Variants in ZFTA observed in about 807,000 individuals in gnomAD.
The protein encoded by ZFTA is zinc finger translocation-associated protein.
A neutral mutation model predicts 41.8 loss-of-function variants in ZFTA; 35 were observed. The observed-to-expected ratio is 0.84, with a 90% CI of 0.64 to 1.11. The LOEUF is 1.11. ZFTA is among the 50% of genes most tolerant of loss of function. ZFTA has a pLI of 0.00. For missense variants in ZFTA, 964 were observed against 989.8 expected (o/e 0.97, Z 0.35); for synonymous variants, 514 against 436.4 (o/e 1.18, Z -2.22).
In ZFTA at chr11:63,764,115, G is replaced by C. The variant is rs1312377385; in HGVS notation, c.1508C>G (p.Pro503Arg). The C allele has an allele frequency of 7.4e-6, 10 of 1,344,404 alleles. No homozygotes were observed. Among genetic ancestry groups the C allele is most frequent in the Admixed American group, 4.0e-5 (1 of 25,018 alleles). 83.3% of individuals were successfully genotyped at this position (1,344,404 alleles called of 1,614,324 possible). ...GTCGGAGGCTGCGGCAGTGCCGGGG[G>C]GGATGGGGCCCTGGGGGGACTCGGG... Reference protein sequence around the residue: ...PRPESPQGPIPPGTAAASDEG... With the variant: ...PRPESPQGPIRPGTAAASDEG... Residue 503 changes from proline to arginine, a missense_variant, in exon 4 of 5, where the codon CCC becomes CGC. Around this residue, in one of 5 missense-constraint regions of ZFTA, gnomAD observed 584 missense variants for 523.1 expected, o/e 1.12. Transcript: ENST00000433688.
rs1284234060 is a variant in ZFTA at position 63,763,342 on chromosome 11, G to T, written c.*76C>A. The T allele has an allele frequency of 3.7e-6, 4 of 1,080,772 alleles. No homozygotes were observed. The African/African-American group carries it at 5.1e-5, about 14-fold the overall frequency. 66.9% of individuals were successfully genotyped at this position (1,080,772 alleles called of 1,614,324 possible). ...CACCGGACGCGAGGGTCTCCCAGCC[G>T]AAGGGCCGGGCGAGCACAGGGCGGG... On this transcript the variant is annotated 3_prime_UTR_variant, in exon 5 of 5. Transcript: ENST00000433688.
At position 63,765,716 on chromosome 11, in the gene ZFTA, A is replaced by C; in HGVS notation, c.637+91T>G. 3 of 1,416,388 alleles carry C rather than the reference A, an allele frequency of 2.1e-6. No individual in the cohort carries two copies. Among genetic ancestry groups the C allele is most frequent in the Non-Finnish European group, 9.2e-7 (1 of 1,086,876 alleles). 87.7% of individuals were successfully genotyped at this position (1,416,388 alleles called of 1,614,324 possible). A position where few individuals can be genotyped will look rare whatever the true frequency, so the allele number is the denominator to read the frequency against. On this transcript the variant is annotated intron_variant, in intron 2 of 4. Transcript: ENST00000433688. The surrounding 1 kb of genome is among the most constrained non-coding windows in gnomAD (Gnocchi z 4.0). ...CCAGAGGAGGAGCAGTGCCTTGCTC[A>C]AGAACACCAGCTCCTTGGCAGAGCA...
At position 63,764,059 on chromosome 11, in the gene ZFTA, C is replaced by T; in HGVS notation, c.1564G>A (p.Glu522Lys). 3 of 1,344,620 alleles carry T rather than the reference C, an allele frequency of 2.2e-6. No homozygotes were observed. The highest frequency in any genetic ancestry group is 6.1e-5 in the East Asian group (2 of 32,700). The allele number at this position is 1,344,620 out of a possible 1,614,324, so 83.3% of individuals were successfully genotyped here. A position where few individuals can be genotyped will look rare whatever the true frequency, so the allele number is the denominator to read the frequency against. Residue 522 changes from glutamate to lysine, a missense_variant, in exon 4 of 5, where the codon GAG (glutamate) becomes AAG (lysine). Physicochemically the swap from Glu to Lys is moderately conservative, Grantham distance 56. This residue lies in a region of ZFTA where 584 missense variants were observed against 523.1 expected (regional missense o/e 1.12). Transcript: ENST00000433688. ...TCACCCCACTCCTCCTCCTCCTCCT[C>T]TGGCTCCTCCTCCTCGTCCCCTCCC... ...EGGGDEEEEP[E>K]EEEEEWGDVP...
chr11:63,760,452 C>T lies in ZFTA; in HGVS notation c.*2966G>A, dbSNP rs117460875. On this transcript the variant is annotated 3_prime_UTR_variant, in exon 5 of 5. Coordinates refer to ENST00000433688, the MANE Select transcript of ZFTA (RefSeq NM_001144936.2). Reference sequence around the variant, plus strand: ...ACTGATGCAAACAATTTCACAAATACGCATACAAATGTTTGAATAATGTCA... The same window carrying T: ...ACTGATGCAAACAATTTCACAAATATGCATACAAATGTTTGAATAATGTCA... 26 of 152,214 alleles carry T rather than the reference C, an allele frequency of 1.7e-4. No individual in the cohort carries two copies. Among genetic ancestry groups the T allele is most frequent in the African/African-American group, 5.8e-4 (24 of 41,528 alleles). 9.4% of individuals were successfully genotyped at this position (152,214 alleles called of 1,614,324 possible).
Position 63,764,912 on chromosome 11 carries a change from C to G in ZFTA, c.980G>C (p.Gly327Ala). The G allele has an allele frequency of 6.5e-7, 1 of 1,538,192 alleles. No homozygotes were observed. The highest frequency in any genetic ancestry group is 8.8e-7 in the Non-Finnish European group (1 of 1,142,854). ...PQRSALLQAWGGQPEALSELT... is the reference protein window; with the variant it reads ...PQRSALLQAWAGQPEALSELT... Reference sequence around the variant, plus strand: ...CTCAGACAGCGCCTCGGGCTGGCCCCCCCAGGCCTGCAGCAGGGCACTGCG... The same window carrying G: ...CTCAGACAGCGCCTCGGGCTGGCCCGCCCAGGCCTGCAGCAGGGCACTGCG... The change falls in exon 3 of 5, where the codon GGG (glycine) becomes GCG (alanine). Residue 327 changes from glycine (G) to alanine (A), a missense_variant. This residue lies in a region of ZFTA where 584 missense variants were observed against 523.1 expected (regional missense o/e 1.12). Coordinates refer to ENST00000433688, the MANE Select transcript of ZFTA (RefSeq NM_001144936.2).
chr11:63,763,837 C>G lies in ZFTA; in HGVS notation c.1618G>C (p.Glu540Gln), dbSNP rs2014695356. The G allele has an allele frequency of 2.8e-6, 4 of 1,439,720 alleles. No homozygotes were observed. The highest frequency in any genetic ancestry group is 3.0e-5 in the Admixed American group (1 of 33,354). 89.2% of individuals were successfully genotyped at this position (1,439,720 alleles called of 1,614,324 possible). A position where few individuals can be genotyped will look rare whatever the true frequency, so the allele number is the denominator to read the frequency against. ...TCCTCCTCTTCTTCGGCGGGCCGCT[C>G]CAAGGGAGCTCCAGGGGACAGCGGA... ...DVPLSPGAPL[E>Q]RPAEEEEDEE... The change falls in exon 5 of 5, where the codon GAG becomes CAG. Residue 540 changes from glutamate (E) to glutamine (Q), a missense_variant. By Grantham distance (29) the Glu-to-Gln change is conservative. Transcript: ENST00000433688.
At chr11:63,766,733 C>T (rs924395974) in intron 1 of ZFTA, among the ~76,000 whole-genome samples, 1 of 152,160 alleles carries the variant, frequency 6.6e-6, no homozygotes, top group African/African-American at 2.4e-5. Context: ...GGGCTGCACA[C>T]GGGACCCACC....
chr11:63,766,038 G>A lies in ZFTA; in HGVS notation c.406C>T (p.Leu136Phe). 1.3e-6 allele frequency: 2 copies of A among 1,550,992 alleles called. No individual in the cohort carries two copies. Among genetic ancestry groups the A allele is most frequent in the Non-Finnish European group, 1.7e-6 (2 of 1,146,618 alleles). The change falls in exon 2 of 5, where the codon CTC becomes TTC. Residue 136 changes from leucine to phenylalanine, a missense_variant. By Grantham distance (22) the Leu-to-Phe change is conservative (BLOSUM62 0). Transcript: ENST00000433688. ...TGGCGCTTGATGGTGCTGAGCTTGAGGGTGGCCAGGGAGCTGCCGCACACC... is the reference window on the plus strand; with the variant it reads ...TGGCGCTTGATGGTGCTGAGCTTGAAGGTGGCCAGGGAGCTGCCGCACACC... ...CMVCGSSLAT[L>F]KLSTIKRHIR...
In ZFTA at chr11:63,764,356, G is replaced by A; in HGVS notation, c.1267C>T (p.Arg423Trp). Residue 423 changes from arginine (R) to tryptophan (W), a missense_variant, in exon 4 of 5, where the codon CGG (arginine) becomes TGG (tryptophan). By Grantham distance (101) the Arg-to-Trp change is moderately radical. Transcript: ENST00000433688. ...AHRRHPQERW[R>W]LEYLMELDGG... ...TCCAACTCCATGAGGTACTCCAGCC[G>A]CCAGCGCTCCTGGGGGTGGCGGCGG... The A allele has an allele frequency of 2.3e-6, 3 of 1,328,380 alleles. No individual in the cohort carries two copies. The highest frequency in any genetic ancestry group is 2.9e-6 in the Non-Finnish European group (3 of 1,043,624). 82.3% of individuals were successfully genotyped at this position (1,328,380 alleles called of 1,614,324 possible). A position where few individuals can be genotyped will look rare whatever the true frequency, so the allele number is the denominator to read the frequency against.
chr11:63,764,142 C>A lies in ZFTA; in HGVS notation c.1481G>T (p.Arg494Leu), dbSNP rs1221855209. ...AAHLLALGPP[R>L]PESPQGPIPP... ...GATGGGGCCCTGGGGGGACTCGGGG[C>A]GGGGCGGCCCCAGGGCCAGCAGGTG... The change falls in exon 4 of 5, where the codon CGC becomes CTC. Residue 494 changes from arginine (R) to leucine (L), a missense_variant. Arg to Leu is a moderately radical substitution (Grantham distance 102). Around this residue, in one of 5 missense-constraint regions of ZFTA, gnomAD observed 584 missense variants for 523.1 expected, o/e 1.12. Transcript: ENST00000433688. 7.5e-7 allele frequency: 1 copy of A among 1,342,208 alleles called. No individual in the cohort carries two copies. The highest frequency in any genetic ancestry group is 9.5e-7 in the Non-Finnish European group (1 of 1,052,254). 83.1% of individuals were successfully genotyped at this position (1,342,208 alleles called of 1,614,324 possible). A position where few individuals can be genotyped will look rare whatever the true frequency, so the allele number is the denominator to read the frequency against.
At position 63,764,406 on chromosome 11, in the gene ZFTA, C is replaced by T; in HGVS notation, c.1217G>A (p.Gly406Asp). The change falls in exon 4 of 5, where the codon GGC (glycine) becomes GAC (aspartate). Residue 406 changes from glycine to aspartate, a missense_variant. Coordinates refer to ENST00000433688, the MANE Select transcript of ZFTA (RefSeq NM_001144936.2). The stretch of plus-strand genomic sequence containing the variant: ...GTGGGCGCGGCCCCGCGGCGACCGG[C>T]CCGGGACCCCCGCCCTCTCGCCCTC... The part of the protein sequence containing the change: ...EGEGERAGVP[G>D]RSPRGRAHRR... 15 of 1,280,064 alleles carry T rather than the reference C, an allele frequency of 1.2e-5. No homozygotes were observed. The highest frequency in any genetic ancestry group is 1.5e-5 in the Non-Finnish European group (15 of 1,016,468). 79.3% of individuals were successfully genotyped at this position (1,280,064 alleles called of 1,614,324 possible).
At chr11:63,766,803 G>T (rs534980970) in intron 1 of ZFTA, among the ~76,000 whole-genome samples, 1 of 152,312 alleles carries the variant, frequency 6.6e-6, no homozygotes, top group South Asian at 2.1e-4. Flanking sequence ...TTCCAGTAAT[G>T]CTTCAAATAT....
At position 63,766,230 on chromosome 11, in the gene ZFTA, C is replaced by T; in HGVS notation, c.214G>A (p.Gly72Arg). Residue 72 changes from glycine to arginine, a missense_variant, in exon 2 of 5, where the codon GGA becomes AGA. Around this residue, in one of 5 missense-constraint regions of ZFTA, gnomAD observed 111 missense variants for 93.2 expected, o/e 1.19. Transcript: ENST00000433688. The part of the protein sequence containing the change: ...SAPLPSSRAR[G>R]PASSGRKYSD... ...TATTTCCTGCCTGAAGATGCTGGTC[C>T]CCTGGCCCTGGAGGAGGGCAGGGGG... is the stretch of plus-strand genomic sequence containing the variant. The T allele has an allele frequency of 7.8e-6, 12 of 1,533,334 alleles. No homozygotes were observed. The highest frequency in any genetic ancestry group is 1.4e-5 in the African/African-American group (1 of 72,630). 95.0% of individuals were successfully genotyped at this position (1,533,334 alleles called of 1,614,324 possible).
Position 63,764,198 on chromosome 11 carries a change from G to A in ZFTA, c.1425C>T (p.Leu475=), listed in dbSNP as rs1205564771. The A allele has an allele frequency of 1.8e-5, 25 of 1,396,010 alleles. No homozygotes were observed. Among genetic ancestry groups the A allele is most frequent in the South Asian group, 4.8e-5 (3 of 62,792 alleles). 86.5% of individuals were successfully genotyped at this position (1,396,010 alleles called of 1,614,324 possible). A position where few individuals can be genotyped will look rare whatever the true frequency, so the allele number is the denominator to read the frequency against. The part of the protein sequence containing the change: ...STRLGGPVQA[L]IAREWSEKAA... ...CCTTCTCGCTCCACTCCCGGGCGAT[G>A]AGGGCCTGGACAGGCCCGCCGAGGC... The change falls in exon 4 of 5, where the codon CTC becomes CTT. Residue 475 remains leucine, a synonymous_variant. Transcript: ENST00000433688.
At position 63,766,018 on chromosome 11, in the gene ZFTA, C is replaced by T. The variant is rs1204865065; in HGVS notation, c.426G>A (p.Lys142=). The change falls in exon 2 of 5, where the codon AAG becomes AAA. Residue 142 remains lysine, a synonymous_variant. Transcript: ENST00000433688. The stretch of plus-strand genomic sequence containing the variant: ...AGGGGTGCTTTTGGCGGATGTGGCG[C>T]TTGATGGTGCTGAGCTTGAGGGTGG... ...SLATLKLSTI[K]RHIRQKHPYS... is the part of the protein sequence containing the mutation. 6.4e-6 allele frequency: 10 copies of T among 1,551,322 alleles called. No individual in the cohort carries two copies. Among genetic ancestry groups the T allele is most frequent in the Middle Eastern group, 1.7e-4 (1 of 6,012 alleles).
At chr11:63,767,125 C>T (rs920536785) in intron 1 of ZFTA, among the ~76,000 whole-genome samples, 9 of 152,166 alleles carry the variant, frequency 5.9e-5, no homozygotes, top group Non-Finnish European at 5.9e-5. Context: ...GTCAGAAGGG[C>T]GGGCACTGGA....
In ZFTA at chr11:63,763,804, C is replaced by T. The variant is rs1021680400; in HGVS notation, c.1651G>A (p.Asp551Asn). 28 of 1,449,350 alleles carry T rather than the reference C, an allele frequency of 1.9e-5. No homozygotes were observed. Among genetic ancestry groups the T allele is most frequent in the East Asian group, 2.6e-5 (1 of 38,154 alleles). The allele number at this position is 1,449,350 out of a possible 1,614,324, so 89.8% of individuals were successfully genotyped here. A position where few individuals can be genotyped will look rare whatever the true frequency, so the allele number is the denominator to read the frequency against. ...RPAEEEEDEE[D>N]GQEPGGLALP... The stretch of plus-strand genomic sequence containing the variant: ...GCGAGTCCCCCAGGCTCCTGGCCGT[C>T]CTCTTCGTCCTCCTCTTCTTCGGCG... Residue 551 changes from aspartate to asparagine, a missense_variant, in exon 5 of 5, where the codon GAC becomes AAC. Physicochemically the swap from Asp to Asn is conservative, Grantham distance 23 (BLOSUM62 1). This residue lies in a region of ZFTA where 584 missense variants were observed against 523.1 expected (regional missense o/e 1.12). Transcript: ENST00000433688.
At chr11:63,767,033 G>A (rs932060069) in intron 1 of ZFTA, among the ~76,000 whole-genome samples, 8 of 152,240 alleles carry the variant, frequency 5.3e-5, no homozygotes, top group African/African-American at 1.9e-4. Flanking sequence ...GCGGCAGGGA[G>A]TGGCCACCAT....
chr11:63,765,774 C>T lies in ZFTA; in HGVS notation c.637+33G>A, dbSNP rs1035923797. 6.9e-7 allele frequency: 1 copy of T among 1,441,934 alleles called. No individual in the cohort carries two copies. The highest frequency in any genetic ancestry group is 1.4e-5 in the African/African-American group (1 of 69,848). The allele number at this position is 1,441,934 out of a possible 1,614,324, so 89.3% of individuals were successfully genotyped here. On this transcript the variant is annotated intron_variant, in intron 2 of 4. Transcript: ENST00000433688. The surrounding 1 kb of genome is among the most constrained non-coding windows in gnomAD (Gnocchi z 4.0). Reference sequence around the variant, plus strand: ...CACTGTGCCCCACTGGCCACCCAGGCCCCTGCCTGTACAGAATCTGCATTT... The same window carrying T: ...CACTGTGCCCCACTGGCCACCCAGGTCCCTGCCTGTACAGAATCTGCATTT...
Sources: gnomAD v4.1 joint callset for allele counts (sites outside exome capture counted in the v4.1 genomes callset) on GRCh38, gnomAD v4.1.1 for gene constraint, gnomAD v4.1.1 regional missense constraint, Gnocchi (gnomAD v3.1) non-coding constraint, MANE v1.5 for transcripts, NCBI Gene and HGNC (gene_info 2026-07-23, HGNC 2026-07-21) for gene names.